The following ABHD10 variants were observed in gnomAD, a reference collection of about 807,000 sequenced individuals.
The protein encoded by ABHD10 is palmitoyl-protein thioesterase ABHD10, mitochondrial.
A neutral mutation model predicts 33.1 loss-of-function variants in ABHD10; 22 were observed. That is an observed-to-expected ratio of 0.66 (90% CI 0.47 to 0.95). The LOEUF is 0.95. Ranked by LOEUF, ABHD10 falls within the 40% of genes least tolerant of loss-of-function variation. The pLI is 0.00. For missense variants in ABHD10, 352 were observed against 379.9 expected, an observed-to-expected ratio of 0.93 and a Z score of 0.61; for synonymous variants, 146 against 133.9, an observed-to-expected ratio of 1.09 and a Z score of -0.62.
In ABHD10 at chr3:111,981,956, C is replaced by T. The variant is rs756014175; in HGVS notation, c.315C>T (p.His105=). 12 of 1,550,720 alleles carry T rather than the reference C, an allele frequency of 7.7e-6. No individual in the cohort carries two copies. The African/African-American group carries it at 8.1e-5, about 10-fold the overall frequency. The change falls in exon 2 of 5, where the codon CAC becomes CAT. Residue 105 remains histidine, a synonymous_variant. Coordinates refer to ENST00000273359, the MANE Select transcript of ABHD10 (RefSeq NM_018394.4). Reference sequence around the variant, plus strand: ...AGGAGTTTTGCAAATCTCTAGGTCACGCCTGCATAAGGTAGGAACAACACA... The same window carrying T: ...AGGAGTTTTGCAAATCTCTAGGTCATGCCTGCATAAGGTAGGAACAACACA... ...AIEEFCKSLG[H]ACIRFDYSGV...
chr3:111,989,222 A>AG (rs1421563433), intron 4 of ABHD10, among the ~76,000 whole-genome samples: 3 of 152,196 alleles, frequency 2.0e-5, no homozygotes, highest in African/African-American at 4.8e-5. Flanking sequence ...TAAGAACTTG[A>AG]CCATCCTCTT....
At chr3:111,982,558 G>A (rs116314632) in intron 2 of ABHD10, among the ~76,000 whole-genome samples, 1,906 of 152,218 alleles carry the variant, frequency 0.013, 19 homozygotes, top group Non-Finnish European at 0.022. Flanking sequence ...AGTATCCACT[G>A]TCCAGAAGAG....
At position 111,990,696 on chromosome 3, in the gene ABHD10, A is replaced by G. The variant is rs894856009; in HGVS notation, c.577-681A>G. 1.1e-5 allele frequency: 15 copies of G among 1,409,190 alleles called. 1 individual carries two copies. The African/African-American group carries it at 1.9e-4, about 18-fold the overall frequency. 87.3% of individuals were successfully genotyped at this position (1,409,190 alleles called of 1,614,324 possible). ...ACAAAAATCAAATTTTTTCTCTTTT[A>G]TAGGACTCTGGAAGGAAAAACTATA... On this transcript the variant is annotated intron_variant, in intron 4 of 4. Coordinates refer to ENST00000273359, the MANE Select transcript of ABHD10 (RefSeq NM_018394.4).
chr3:111,988,610 T>G lies in ABHD10; in HGVS notation c.576+1559T>G, dbSNP rs187037515. 3.0e-3 allele frequency among the ~76,000 whole-genome samples: 454 copies of G among 151,008 alleles called. 2 individuals carry two copies. The highest frequency in any genetic ancestry group is 6.7e-3 in the African/African-American group (274 of 41,050). On this transcript the variant is annotated intron_variant, in intron 4 of 4. Coordinates refer to ENST00000273359, the MANE Select transcript of ABHD10 (RefSeq NM_018394.4). ...TTGGTTTTGTTTTTATTTGGGGGGG[T>G]TTTTAGGGTATCTCTGTTGCCCAGG...
intron 4 of ABHD10, among the ~76,000 whole-genome samples, chr3:111,987,657 A>G (rs2120094): frequency 0.25 from 37,834 of 152,206 alleles, 5,003 homozygotes; most frequent in East Asian, 0.5. Flanking sequence ...AATTGTTGCT[A>G]TACTGTATCG....
chr3:111,989,720 G>A (rs1214721630), intron 4 of ABHD10, among the ~76,000 whole-genome samples: 4 of 151,924 alleles, frequency 2.6e-5, no homozygotes, highest in East Asian at 3.9e-4. Flanking sequence ...AGAATGCCAT[G>A]ATATTGATAT....
intron 4 of ABHD10, among the ~76,000 whole-genome samples, chr3:111,988,123 C>G: frequency 6.6e-6 from 1 of 152,078 alleles, no homozygotes; most frequent in East Asian, 1.9e-4. Flanking sequence ...GAAGAAAAAA[C>G]GTATGCAGTG....
intron 3 of ABHD10, among the ~76,000 whole-genome samples, 199 bp from the exon 4 acceptor site, chr3:111,986,715 G>A (rs989052175): frequency 1.4e-4 from 21 of 152,276 alleles, no homozygotes; most frequent in African/African-American, 4.3e-4. Flanking sequence ...GATTACAGGC[G>A]TGAGCCACCA....
At position 111,990,752 on chromosome 3, in the gene ABHD10, G is replaced by A. The variant is rs193076366; in HGVS notation, c.577-625G>A. 723 of 1,369,914 alleles carry A rather than the reference G, an allele frequency of 5.3e-4. 2 individuals are homozygous for A. The African/African-American group carries it at 8.3e-3, about 16-fold the overall frequency. 84.9% of individuals were successfully genotyped at this position (1,369,914 alleles called of 1,614,324 possible). A position where few individuals can be genotyped will look rare whatever the true frequency, so the allele number is the denominator to read the frequency against. The stretch of plus-strand genomic sequence containing the variant: ...TTACATTCAGCCTAAAATTGCATGA[G>A]TATGTGTATGATTGTTACAATGTAA... On this transcript the variant is annotated intron_variant, in intron 4 of 4. Transcript: ENST00000273359.
intron 4 of ABHD10, among the ~76,000 whole-genome samples, chr3:111,988,181 CTGTGCCA>C (rs1313517109): frequency 6.6e-6 from 1 of 152,198 alleles, no homozygotes; most frequent in Non-Finnish European, 1.5e-5. Flanking sequence ...GCATTAATAC[CTGTGCCA>C]TATATTAACT....
At chr3:111,987,118 C>T in intron 4 of ABHD10, 67 bp downstream of exon 4, 1 of 1,541,102 alleles carries the variant, frequency 6.5e-7, no homozygotes. Flanking sequence ...CTCCCTCTTT[C>T]TTTGAGGGAA....
chr3:111,993,009 C>T lies in ABHD10; in HGVS notation c.*1288C>T, dbSNP rs1379788262. ...GGCTTCCACCATTCCCAGAACTGAT[C>T]AAAGTAGCTTACTATATCTAAACTG... On this transcript the variant is annotated 3_prime_UTR_variant, in exon 5 of 5. Transcript: ENST00000273359. 1 of 152,160 alleles carries T rather than the reference C, an allele frequency of 6.6e-6. No homozygotes were observed. Among genetic ancestry groups the T allele is most frequent in the South Asian group, 2.1e-4 (1 of 4,826 alleles). 9.4% of individuals were successfully genotyped at this position (152,160 alleles called of 1,614,324 possible).
At chr3:111,980,860 T>G (rs1331250591) in intron 1 of ABHD10, among the ~76,000 whole-genome samples, 1 of 151,998 alleles carries the variant, frequency 6.6e-6, no homozygotes, top group Admixed American at 6.5e-5. Context: ...AAATTATGAG[T>G]TGTTACCATG....
intron 1 of ABHD10, among the ~76,000 whole-genome samples, chr3:111,981,573 A>G (rs75275231): frequency 1.0e-3 from 156 of 152,302 alleles, no homozygotes; most frequent in African/African-American, 3.6e-3. Context: ...ACTTTGCTCA[A>G]AGAAGTTACT....
chr3:111,987,900 A>T (rs1354072462), intron 4 of ABHD10, among the ~76,000 whole-genome samples: 1 of 152,184 alleles, frequency 6.6e-6, no homozygotes, highest in African/African-American at 2.4e-5. Flanking sequence ...TAAAGAAAAC[A>T]GAGCAGTAGT....
chr3:111,986,432 GTT>G, intron 3 of ABHD10, 57 bp downstream of exon 3: 1 of 1,265,162 alleles, frequency 7.9e-7, no homozygotes, highest in African/African-American at 1.5e-5. Flanking sequence ...TAAGCTGTTT[GTT>G]TTGTTTTGTT....
chr3:111,979,966 G>A (rs2072559668), intron 1 of ABHD10, among the ~76,000 whole-genome samples: 1 of 152,102 alleles, frequency 6.6e-6, no homozygotes, highest in Non-Finnish European at 1.5e-5. Context: ...CAACCAAAAG[G>A]CATGTTACAC....
intron 3 of ABHD10, 131 bp from the exon 4 acceptor site, chr3:111,986,783 T>G (rs1257202782): frequency 5.5e-6 from 4 of 721,258 alleles, no homozygotes; most frequent in Non-Finnish European, 8.4e-6. Context: ...TTTAAATGTT[T>G]AATCCATTTT....
In ABHD10 at chr3:111,991,430, TGAA is replaced by T. The variant is rs769226229; in HGVS notation, c.635_637del (p.Glu212del). 589 of 1,613,422 alleles carry T rather than the reference TGAA, an allele frequency of 3.7e-4. 2 individuals are homozygous for T. The highest frequency in any genetic ancestry group is 2.4e-3 in the South Asian group (218 of 90,940). ...TGTGGAGCATGCCATCAAAATACTC[TGAA>T]GAAGGAGTTTATAACGTTCAGTACA... On this transcript the variant is annotated inframe_deletion, in exon 5 of 5. Transcript: ENST00000273359.
Sources: allele counts gnomAD v4.1 joint callset (sites outside exome capture counted in the v4.1 genomes callset), GRCh38; gene constraint gnomAD v4.1.1; transcripts MANE v1.5; gene names NCBI Gene and HGNC (gene_info 2026-07-23, HGNC 2026-07-21).